Variants in BNC2 observed in about 807,000 individuals in gnomAD.
The protein encoded by BNC2 is zinc finger protein basonuclin-2.
Under a neutral mutation model 76.3 loss-of-function variants are expected in BNC2, and 20 were observed. The observed-to-expected ratio is 0.26, with a 90% confidence interval of 0.18 to 0.38. The LOEUF (loss-of-function observed/expected upper bound fraction) is 0.38, where lower values mean the gene tolerates loss of function less well. Ranked by LOEUF, BNC2 falls within the 10% of genes least tolerant of loss-of-function variation. The pLI is 1.00. For missense variants in BNC2, 1,382 were observed against 1,399.8 expected (o/e 0.99, Z 0.20); for synonymous variants, 582 against 514.8 (o/e 1.13, Z -1.77).
intron 1 of BNC2, among the ~76,000 whole-genome samples, chr9:16,822,512 T>C (rs1234937520): frequency 6.6e-6 from 1 of 152,094 alleles, no homozygotes; most frequent in African/African-American, 2.4e-5. Flanking sequence ...TTTCCCCCAG[T>C]ATGGCCTTTA....
chr9:16,716,405 C>T (rs969270356), intron 3 of BNC2, among the ~76,000 whole-genome samples: 8 of 152,086 alleles, frequency 5.3e-5, no homozygotes, highest in Non-Finnish European at 1.2e-4. Flanking sequence ...ATGATTATTA[C>T]CTAAAAGCAG....
At chr9:16,666,429 T>C (rs1822293859) in intron 3 of BNC2, among the ~76,000 whole-genome samples, 1 of 152,106 alleles carries the variant, frequency 6.6e-6, no homozygotes, top group Middle Eastern at 3.4e-3. Context: ...GTAGGTGGCA[T>C]TAAAGATATT....
chr9:16,756,267 A>G (rs1825382146), intron 1 of BNC2, among the ~76,000 whole-genome samples: 1 of 152,106 alleles, frequency 6.6e-6, no homozygotes, highest in Admixed American at 6.5e-5. Flanking sequence ...CGCTGTGGAT[A>G]ATATGTCTTT....
chr9:16,458,314 G>C (rs1414792917), intron 5 of BNC2, among the ~76,000 whole-genome samples: 2 of 152,184 alleles, frequency 1.3e-5, no homozygotes, highest in African/African-American at 2.4e-5. Context: ...TTTCCCAAAA[G>C]AGGCTGCTGG....
chr9:16,418,923 GACT>G lies in BNC2; in HGVS notation c.*63_*65del, dbSNP rs1820649142. The G allele has an allele frequency of 6.6e-7, 1 of 1,526,558 alleles. No individual in the cohort carries two copies. Among genetic ancestry groups the G allele is most frequent in the Non-Finnish European group, 9.0e-7 (1 of 1,106,652 alleles). The allele number at this position is 1,526,558 out of a possible 1,614,324, so 94.6% of individuals were successfully genotyped here. On this transcript the variant is annotated 3_prime_UTR_variant, in exon 7 of 7. Coordinates refer to ENST00000380672, the MANE Select transcript of BNC2 (RefSeq NM_017637.6). ...CACCCCAAGTACATAAGCGCACACT[GACT>G]ATGGCAGTTCAAACACGTAGGCCAT...
chr9:16,801,894 T>C (rs984183929), intron 1 of BNC2, among the ~76,000 whole-genome samples: 3 of 152,144 alleles, frequency 2.0e-5, no homozygotes, highest in African/African-American at 4.8e-5. Context: ...CTGGCTCAAG[T>C]CTGAAGTTAT....
At chr9:16,481,990 T>C (rs1471745061) in intron 5 of BNC2, among the ~76,000 whole-genome samples, 1 of 152,214 alleles carries the variant, frequency 6.6e-6, no homozygotes, top group East Asian at 1.9e-4. Flanking sequence ...AGCTCCAAAG[T>C]ATGTGTAATA....
chr9:16,625,220 A>C (rs1339057634), intron 3 of BNC2, among the ~76,000 whole-genome samples: 4 of 152,214 alleles, frequency 2.6e-5, no homozygotes, highest in Non-Finnish European at 5.9e-5. Flanking sequence ...TCTTTGGATA[A>C]AATTAATGTC....
At chr9:16,690,913 C>T (rs1823140712) in intron 3 of BNC2, among the ~76,000 whole-genome samples, 1 of 152,118 alleles carries the variant, frequency 6.6e-6, no homozygotes, top group Admixed American at 6.5e-5. Context: ...AGCTATTTCA[C>T]TAAGGTTCAC....
intron 3 of BNC2, among the ~76,000 whole-genome samples, chr9:16,653,946 T>G (rs1821858489): frequency 6.6e-6 from 1 of 151,950 alleles, no homozygotes; most frequent in Admixed American, 6.6e-5. Context: ...GCCCCCCTCC[T>G]GCCTGCCCCA....
intron 5 of BNC2, among the ~76,000 whole-genome samples, chr9:16,479,896 G>C (rs1822010219): frequency 6.6e-6 from 1 of 152,110 alleles, no homozygotes; most frequent in African/African-American, 2.4e-5. Flanking sequence ...ACTTACCTTT[G>C]ACAGTTTCCA....
At chr9:16,800,781 C>G (rs1019772993) in intron 1 of BNC2, among the ~76,000 whole-genome samples, 5 of 152,064 alleles carry the variant, frequency 3.3e-5, no homozygotes, top group African/African-American at 1.2e-4. Context: ...GTACCTGGTA[C>G]AAAGAAAATG....
At chr9:16,594,588 C>A (rs1474175904) in intron 3 of BNC2, among the ~76,000 whole-genome samples, 1 of 152,154 alleles carries the variant, frequency 6.6e-6, no homozygotes, top group Non-Finnish European at 1.5e-5. Context: ...TAGAATTTAA[C>A]ATTTCAGATG....
chr9:16,600,107 C>T (rs1194585555), intron 3 of BNC2, among the ~76,000 whole-genome samples: 2 of 152,156 alleles, frequency 1.3e-5, no homozygotes, highest in Non-Finnish European at 2.9e-5. Flanking sequence ...ACATTGATGA[C>T]CACAAATACT....
intron 5 of BNC2, among the ~76,000 whole-genome samples, chr9:16,443,007 C>G (rs1166951777): frequency 7.0e-6 from 1 of 142,902 alleles, no homozygotes; most frequent in Non-Finnish European, 1.5e-5. Flanking sequence ...ACTCGGGAGG[C>G]TGAGGCATGA....
At chr9:16,799,625 A>G (rs10962605) in intron 1 of BNC2, among the ~76,000 whole-genome samples, 76,819 of 152,056 alleles carry the variant, frequency 0.51, 25,364 homozygotes, top group Non-Finnish European at 0.75. Context: ...ATAGCCCAAA[A>G]AAAAATTAAT....
At chr9:16,437,782 G>A (rs1289917726) in intron 5 of BNC2, among the ~76,000 whole-genome samples, 1 of 152,118 alleles carries the variant, frequency 6.6e-6, no homozygotes, top group Admixed American at 6.5e-5. Context: ...GACCACTGGG[G>A]CTCTGTGATC....
At chr9:16,708,857 T>C (rs1823755026) in intron 3 of BNC2, among the ~76,000 whole-genome samples, 1 of 152,056 alleles carries the variant, frequency 6.6e-6, no homozygotes, top group Admixed American at 6.5e-5. Context: ...AACAAATCAA[T>C]GCCACTAGAA....
At chr9:16,510,622 T>C (rs552145997) in intron 5 of BNC2, among the ~76,000 whole-genome samples, 1 of 152,324 alleles carries the variant, frequency 6.6e-6, no homozygotes, top group East Asian at 1.9e-4. Flanking sequence ...AGGTCAGAAA[T>C]CAACAGATAA....
Sources: gnomAD v4.1 joint callset for allele counts (sites outside exome capture counted in the v4.1 genomes callset) on GRCh38, gnomAD v4.1.1 for gene constraint, MANE v1.5 for transcripts, NCBI Gene and HGNC (gene_info 2026-07-23, HGNC 2026-07-21) for gene names.